TNNI3K: variants seen among roughly 807,000 people sequenced by gnomAD.
TNNI3K encodes serine/threonine-protein kinase TNNI3K.
TNNI3K carries 140 observed loss-of-function variants against 114.5 expected under a neutral mutation model. The observed-to-expected ratio is 1.22, with a 90% CI of 1.07 to 1.41. The LOEUF (loss-of-function observed/expected upper bound fraction) is 1.41. Ranked by LOEUF, TNNI3K falls within the 40% of genes most tolerant of loss-of-function variation. The pLI, the probability that TNNI3K is intolerant of heterozygous loss-of-function variation, is 0.00. For missense variants in TNNI3K, 1,125 were observed against 1,007.6 expected (o/e 1.12, Z -1.58); for synonymous variants, 347 against 347.5 (o/e 1.00, Z 0.02).
At chr1:74,540,373 T>C (rs1254629835) in intron 24 of TNNI3K, 60 bp downstream of exon 24, 2 of 1,530,542 alleles carry the variant, frequency 1.3e-6, no homozygotes, top group Admixed American at 1.9e-5. Context: ...GTGATGTCTA[T>C]TTGACAAAAA....
intron 5 of TNNI3K, among the ~76,000 whole-genome samples, chr1:74,305,458 A>G (rs1658570281): frequency 6.6e-6 from 1 of 152,218 alleles, no homozygotes; most frequent in African/African-American, 2.4e-5. Flanking sequence ...TGAAGAGCTC[A>G]GAAACTAGAA....
rs746575453 is a variant in TNNI3K at position 74,492,180 on chromosome 1, T to G, written c.2265T>G (p.Pro755=). The change falls in exon 23 of 25, where the codon CCT becomes CCG. Residue 755 remains proline (P), a synonymous_variant. Coordinates refer to ENST00000326637, the MANE Select transcript of TNNI3K (RefSeq NM_015978.3). ...SSDCLVNRGG[P]GRSHVAALRS... is the part of the protein sequence containing the mutation. ...ATTGCCTGGTGAACCGGGGAGGACC[T>G]GGCCGGAGTCATGTGGCAGCATTAA... 1.2e-6 allele frequency: 2 copies of G among 1,613,268 alleles called. No individual in the cohort carries two copies. Among genetic ancestry groups the G allele is most frequent in the African/African-American group, 2.7e-5 (2 of 74,920 alleles).
rs778211186 is a variant in TNNI3K at position 74,369,422 on chromosome 1, G to A, written c.1504G>A (p.Asp502Asn). The change falls in exon 16 of 25, where the codon GAT becomes AAT. Residue 502 changes from aspartate to asparagine, a missense_variant. Physicochemically the swap from Asp to Asn is conservative, Grantham distance 23. Coordinates refer to ENST00000326637, the MANE Select transcript of TNNI3K (RefSeq NM_015978.3). ...YRANTYCSKS[D>N]VDMFCREVSI... ...AGCCAATACCTACTGCTCCAAGTCAGATGTGGATATGTTTTGCCGAGAGGT... is the reference window on the plus strand; with the variant it reads ...AGCCAATACCTACTGCTCCAAGTCAAATGTGGATATGTTTTGCCGAGAGGT... 13 of 1,611,818 alleles carry A rather than the reference G, an allele frequency of 8.1e-6. No homozygotes were observed. Among genetic ancestry groups the A allele is most frequent in the Non-Finnish European group, 1.0e-5 (12 of 1,178,878 alleles).
chr1:74,519,502 G>T (rs1300315668), intron 23 of TNNI3K, among the ~76,000 whole-genome samples: 2 of 125,622 alleles, frequency 1.6e-5, no homozygotes, highest in Non-Finnish European at 3.0e-5. Flanking sequence ...CCCACCAACA[G>T]TGTAAAAGTG....
intron 4 of TNNI3K, among the ~76,000 whole-genome samples, chr1:74,260,859 T>C (rs1655621116): frequency 6.6e-6 from 1 of 152,108 alleles, no homozygotes; most frequent in Non-Finnish European, 1.5e-5. Context: ...AACACATATA[T>C]GTGTTCATAA....
chr1:74,272,829 T>C (rs1215284619), intron 5 of TNNI3K, among the ~76,000 whole-genome samples: 3 of 151,924 alleles, frequency 2.0e-5, no homozygotes, highest in Admixed American at 6.6e-5. Flanking sequence ...GGCTCTTATA[T>C]AGTAATTGCC....
Position 74,369,030 on chromosome 1 carries a change from GA to G in TNNI3K, c.1331del (p.Asp444ValfsTer5). On this transcript the variant is annotated frameshift_variant, in exon 14 of 25. Coordinates refer to ENST00000326637, the MANE Select transcript of TNNI3K (RefSeq NM_015978.3). LOFTEE classifies it high-confidence loss of function. ...ACAATTTCTCTTTGCAGAGAAGGCA[GA>G]TATTCTCCTCCTAAGAGCTGGATTG... ...KIKSMTKEKADILLLRAGLPS... is the reference protein window; with the variant it reads ...KIKSMTKEKAXILLLRAGLPS... The G allele has an allele frequency of 6.2e-7, 1 of 1,601,268 alleles. No homozygotes were observed.
chr1:74,284,920 G>T (rs985516075), intron 5 of TNNI3K, among the ~76,000 whole-genome samples: 2 of 152,200 alleles, frequency 1.3e-5, no homozygotes, highest in African/African-American at 4.8e-5. Flanking sequence ...AATAGTTAAA[G>T]ATTTTTTTTC....
chr1:74,436,415 TC>T, intron 18 of TNNI3K, 58 bp from the exon 19 acceptor site: 1 of 1,520,122 alleles, frequency 6.6e-7, no homozygotes, highest in Non-Finnish European at 8.8e-7. Context: ...TTAACTGTGA[TC>T]TTTTACCTTG....
At chr1:74,531,103 CT>C (rs757194281) in intron 23 of TNNI3K, among the ~76,000 whole-genome samples, 2 of 152,056 alleles carry the variant, frequency 1.3e-5, no homozygotes, top group Non-Finnish European at 2.9e-5. Flanking sequence ...TCTTTCAGTT[CT>C]TTTATAGCCT....
rs990565133 is a variant in TNNI3K at position 74,477,900 on chromosome 1, C to A, written c.2122-11289C>A. Among the ~76,000 whole-genome samples the A allele has an allele frequency of 5.3e-5, 8 of 152,150 alleles. No homozygotes were observed. The East Asian group carries it at 7.7e-4, about 15-fold the overall frequency. Reference sequence around the variant, plus strand: ...AAAAAGGGAAAATTAATGATAAGTTCTTATTGAAACATTAGAAACACATTA... The same window carrying A: ...AAAAAGGGAAAATTAATGATAAGTTATTATTGAAACATTAGAAACACATTA... On this transcript the variant is annotated intron_variant, in intron 21 of 24. Transcript: ENST00000326637.
chr1:74,287,396 C>A (rs977167003), intron 5 of TNNI3K, among the ~76,000 whole-genome samples: 1 of 152,116 alleles, frequency 6.6e-6, no homozygotes, highest in Non-Finnish European at 1.5e-5. Flanking sequence ...CAGAGATATT[C>A]ACTGAGACAC....
At chr1:74,315,898 A>G (rs1350861358) in intron 5 of TNNI3K, among the ~76,000 whole-genome samples, 1 of 152,196 alleles carries the variant, frequency 6.6e-6, no homozygotes, top group Non-Finnish European at 1.5e-5. Flanking sequence ...AATCAAGTTA[A>G]TCAACACTTA....
chr1:74,489,726 T>C (rs1668954623), intron 22 of TNNI3K, among the ~76,000 whole-genome samples: 1 of 152,192 alleles, frequency 6.6e-6, no homozygotes, highest in African/African-American at 2.4e-5. Flanking sequence ...ATGTTGGTAA[T>C]CAGGCTAATG....
rs1656353741 is a variant in TNNI3K, at chr1:74,271,614, T to C, written c.350T>C (p.Ile117Thr). 6.2e-7 allele frequency: 1 copy of C among 1,605,178 alleles called. No individual in the cohort carries two copies. Among genetic ancestry groups the C allele is most frequent in the East Asian group, 2.2e-5 (1 of 44,608 alleles). Residue 117 changes from isoleucine to threonine, a missense_variant, in exon 5 of 25, where the codon ATC (isoleucine) becomes ACC (threonine). Physicochemically the swap from Ile to Thr is moderately conservative, Grantham distance 89. Coordinates refer to ENST00000326637, the MANE Select transcript of TNNI3K (RefSeq NM_015978.3). ...TCCTTACAGGATAATGCAGAATTGA[T>C]CACTTCTCTGCTTCACAGTGGAGCT... ...LAVYKDNAELITSLLHSGADI... is the reference protein window; with the variant it reads ...LAVYKDNAELTTSLLHSGADI...
At chr1:74,338,438 T>C (rs907307986) in intron 7 of TNNI3K, among the ~76,000 whole-genome samples, 4 of 152,116 alleles carry the variant, frequency 2.6e-5, no homozygotes, top group African/African-American at 9.7e-5. Flanking sequence ...CTTTATTTTT[T>C]GACAAAAATT....
chr1:74,317,615 C>T (rs763498148), intron 5 of TNNI3K, among the ~76,000 whole-genome samples: 3 of 152,116 alleles, frequency 2.0e-5, no homozygotes, highest in Non-Finnish European at 2.9e-5. Context: ...AGAAAATGGC[C>T]AGGGACCAGG....
chr1:74,537,435 A>G (rs1451087592), intron 23 of TNNI3K, among the ~76,000 whole-genome samples: 1 of 152,202 alleles, frequency 6.6e-6, no homozygotes, highest in Non-Finnish European at 1.5e-5. Context: ...TCTCTACTCT[A>G]TAGCTTAAGG....
chr1:74,319,709 T>C (rs777654147), intron 5 of TNNI3K, among the ~76,000 whole-genome samples: 2 of 152,182 alleles, frequency 1.3e-5, no homozygotes, highest in Non-Finnish European at 2.9e-5. Flanking sequence ...TCAATATGTA[T>C]TCTCTGATGT....
Sources: gnomAD v4.1 joint callset for allele counts (sites outside exome capture counted in the v4.1 genomes callset) on GRCh38, gnomAD v4.1.1 for gene constraint, MANE v1.5 for transcripts, NCBI Gene and HGNC (gene_info 2026-07-23, HGNC 2026-07-21) for gene names.